The following GRID1 variants were observed in gnomAD, a reference collection of about 807,000 sequenced individuals.
GRID1 encodes the protein glutamate receptor ionotropic, delta-1.
Under a neutral mutation model 98.0 loss-of-function variants are expected in GRID1, and 28 were observed. The observed-to-expected ratio is 0.29, with a 90% CI of 0.21 to 0.39. The LOEUF (loss-of-function observed/expected upper bound fraction) is 0.39, where lower values mean the gene tolerates loss of function less well. GRID1 is among the 10% of genes least tolerant of loss of function. The pLI, the probability that GRID1 is intolerant of heterozygous loss-of-function variation, is 1.00. For synonymous variants in GRID1, 553 were observed against 538.5 expected, an observed-to-expected ratio of 1.03 and a Z score of -0.37; for missense variants, 1,111 against 1,340.5, an observed-to-expected ratio of 0.83 and a Z score of 2.67.
At chr10:86,210,324 G>A (rs1285884155) in intron 2 of GRID1, among the ~76,000 whole-genome samples, 5 of 152,172 alleles carry the variant, frequency 3.3e-5, no homozygotes, top group Non-Finnish European at 7.3e-5. Context: ...ATTCACCCAA[G>A]TTCCAGTTTT....
chr10:85,864,137 C>T (rs552360711), intron 6 of GRID1, among the ~76,000 whole-genome samples: 1 of 152,340 alleles, frequency 6.6e-6, no homozygotes, highest in Non-Finnish European at 1.5e-5. Flanking sequence ...ACCAAATCCT[C>T]AGACAGGTTG....
chr10:85,896,616 T>C (rs545091442), intron 5 of GRID1, among the ~76,000 whole-genome samples: 54 of 152,270 alleles, frequency 3.5e-4, no homozygotes, highest in African/African-American at 1.3e-3. Flanking sequence ...GACGTGATGA[T>C]CAATCAAGAA....
intron 8 of GRID1, among the ~76,000 whole-genome samples, chr10:85,738,758 GC>G (rs2132670239): frequency 6.6e-6 from 1 of 152,286 alleles, no homozygotes; most frequent in African/African-American, 2.4e-5. Context: ...GAGACTGCGT[GC>G]TTTACGATGC....
At chr10:86,278,658 C>T (rs550850752) in intron 2 of GRID1, among the ~76,000 whole-genome samples, 57 of 152,114 alleles carry the variant, frequency 3.7e-4, no homozygotes, top group Non-Finnish European at 7.2e-4. Context: ...TAAGAATAAA[C>T]TCATCAGCAT....
intron 4 of GRID1, among the ~76,000 whole-genome samples, chr10:85,995,974 A>T (rs1007268525): frequency 6.6e-6 from 1 of 152,248 alleles, no homozygotes; most frequent in Non-Finnish European, 1.5e-5. Context: ...TAGGTTCCAG[A>T]CTGGCCACTG....
intron 2 of GRID1, among the ~76,000 whole-genome samples, chr10:86,342,455 G>A (rs1221508894): frequency 6.6e-6 from 1 of 152,212 alleles, no homozygotes; most frequent in Admixed American, 6.5e-5. Flanking sequence ...CCTCACCCAA[G>A]GTCTGTCAAG....
chr10:86,084,343 A>T (rs2131932894), intron 4 of GRID1, among the ~76,000 whole-genome samples: 1 of 152,224 alleles, frequency 6.6e-6, no homozygotes, highest in Non-Finnish European at 1.5e-5. Context: ...GGAGGGAGAG[A>T]GGAAGAGAGG....
At chr10:86,036,453 G>C (rs1239947753) in intron 4 of GRID1, among the ~76,000 whole-genome samples, 2 of 152,152 alleles carry the variant, frequency 1.3e-5, no homozygotes, top group Non-Finnish European at 2.9e-5. Context: ...GAGAAGTTTT[G>C]GAACGCAGCC....
chr10:86,004,145 C>A (rs542048218), intron 4 of GRID1, among the ~76,000 whole-genome samples: 10 of 152,208 alleles, frequency 6.6e-5, no homozygotes, highest in African/African-American at 2.4e-4. Context: ...GCCTAAGTTC[C>A]GTACTAGGCA....
Position 86,005,459 on chromosome 10 carries a change from T to C in GRID1, c.727-89220A>G, listed in dbSNP as rs61135211. Among the ~76,000 whole-genome samples the C allele has an allele frequency of 3.8e-3, 575 of 152,280 alleles. 21 individuals carry two copies. In the East Asian group the frequency reaches 0.097, roughly 26 times the overall value. On this transcript the variant is annotated intron_variant, in intron 4 of 15. Transcript: ENST00000327946. ...TGTTGTTGGAGAGACTACTGGTTAA[T>C]CATGTAGATTAGGTAGCAGGGGAAC... is the stretch of plus-strand genomic sequence containing the variant.
chr10:85,721,875 A>C (rs1488748620), intron 12 of GRID1, among the ~76,000 whole-genome samples: 1 of 152,208 alleles, frequency 6.6e-6, no homozygotes, highest in East Asian at 1.9e-4. Flanking sequence ...GATGAGTACA[A>C]GAGGGGAACA....
chr10:86,031,632 C>A (rs541737462), intron 4 of GRID1, among the ~76,000 whole-genome samples: 6 of 152,118 alleles, frequency 3.9e-5, no homozygotes, highest in Admixed American at 6.5e-5. Flanking sequence ...TCTGCCCCCC[C>A]TCATCAAAGC....
chr10:86,142,746 G>A (rs117877598), intron 3 of GRID1, among the ~76,000 whole-genome samples: 209 of 152,346 alleles, frequency 1.4e-3, no homozygotes, highest in Non-Finnish European at 2.2e-3. Context: ...GTATGGTAGG[G>A]ACACCCATGT....
At chr10:86,043,585 T>C (rs1843378013) in intron 4 of GRID1, among the ~76,000 whole-genome samples, 1 of 152,230 alleles carries the variant, frequency 6.6e-6, no homozygotes, top group Admixed American at 6.5e-5. Context: ...CTGCAGGCTA[T>C]AGGTGACCTA....
intron 4 of GRID1, among the ~76,000 whole-genome samples, chr10:85,963,324 T>G (rs766755827): frequency 1.3e-5 from 2 of 152,168 alleles, no homozygotes; most frequent in Non-Finnish European, 2.9e-5. Context: ...CCACTGCCAC[T>G]ACCTTACTCC....
intron 6 of GRID1, among the ~76,000 whole-genome samples, chr10:85,859,040 G>A (rs1238470476): frequency 6.6e-6 from 1 of 152,222 alleles, no homozygotes; most frequent in Non-Finnish European, 1.5e-5. Context: ...CCAGTTCATG[G>A]GAACAGGCTT....
chr10:85,607,535 G>A (rs1278947794), intron 15 of GRID1, among the ~76,000 whole-genome samples: 6 of 152,310 alleles, frequency 3.9e-5, no homozygotes, highest in Non-Finnish European at 7.3e-5. Context: ...GCTCAAGTAC[G>A]TAAGTGAAAT....
intron 2 of GRID1, among the ~76,000 whole-genome samples, chr10:86,287,334 G>A (rs1161476787): frequency 6.6e-6 from 1 of 152,142 alleles, no homozygotes; most frequent in African/African-American, 2.4e-5. Flanking sequence ...AAAGTTGGGT[G>A]CCTACCTCAA....
chr10:85,768,764 T>C (rs1411167345), intron 8 of GRID1, among the ~76,000 whole-genome samples: 1 of 152,224 alleles, frequency 6.6e-6, no homozygotes, highest in African/African-American at 2.4e-5. Flanking sequence ...ATAAGGAAAT[T>C]GGAACCCCAA....
Sources: allele counts gnomAD v4.1 joint callset (sites outside exome capture counted in the v4.1 genomes callset), GRCh38; gene constraint gnomAD v4.1.1; transcripts MANE v1.5; gene names NCBI Gene and HGNC (gene_info 2026-07-23, HGNC 2026-07-21).